SYT1: variants seen among roughly 807,000 people sequenced by gnomAD.
The protein encoded by SYT1 is synaptotagmin-1.
A neutral mutation model predicts 44.8 loss-of-function variants in SYT1; 8 were observed. That is an observed-to-expected ratio of 0.18 (90% CI 0.10 to 0.32). SYT1 has a LOEUF of 0.32. Ranked by LOEUF, SYT1 falls within the 10% of genes least tolerant of loss-of-function variation. The pLI, the probability that SYT1 is intolerant of heterozygous loss-of-function variation, is 1.00. For synonymous variants in SYT1, 154 were observed against 188.8 expected (o/e 0.82, Z 1.51); for missense variants, 286 against 509.3 (o/e 0.56, Z 4.22).
At chr12:79,022,935 C>A (rs113729603) in intron 2 of SYT1, among the ~76,000 whole-genome samples, 83 of 151,776 alleles carry the variant, frequency 5.5e-4, no homozygotes, top group African/African-American at 1.8e-3. Context: ...CTAGAAATAA[C>A]CTTTAGATAA....
At chr12:79,005,437 A>G (rs1457211755) in intron 2 of SYT1, among the ~76,000 whole-genome samples, 1 of 151,930 alleles carries the variant, frequency 6.6e-6, no homozygotes, top group Non-Finnish European at 1.5e-5. Context: ...ATTTTAATTC[A>G]CTCATCTACA....
At chr12:79,122,319 C>A in intron 3 of SYT1, among the ~76,000 whole-genome samples, 1 of 151,116 alleles carries the variant, frequency 6.6e-6, no homozygotes, top group Non-Finnish European at 1.5e-5. Context: ...TCGAGACCAT[C>A]CTGGCTAACA....
At chr12:79,145,788 C>T (rs556457113) in intron 3 of SYT1, among the ~76,000 whole-genome samples, 3 of 150,794 alleles carry the variant, frequency 2.0e-5, no homozygotes, top group South Asian at 2.1e-4. Flanking sequence ...GACGGAGTCT[C>T]GCTCTGTCGC....
chr12:79,389,191 A>T (rs2136089082), intron 9 of SYT1, among the ~76,000 whole-genome samples: 1 of 152,320 alleles, frequency 6.6e-6, no homozygotes, highest in African/African-American at 2.4e-5. Context: ...TGCATCAAGG[A>T]ACATTTTTAA....
At chr12:79,057,266 C>A (rs1354171710) in intron 3 of SYT1, among the ~76,000 whole-genome samples, 1 of 151,858 alleles carries the variant, frequency 6.6e-6, no homozygotes, top group Non-Finnish European at 1.5e-5. Flanking sequence ...ATTGCTTAAT[C>A]CTGTGATTGT....
intron 9 of SYT1, among the ~76,000 whole-genome samples, chr12:79,407,969 A>C (rs1885301633): frequency 6.6e-6 from 1 of 152,070 alleles, no homozygotes; most frequent in South Asian, 2.1e-4. Flanking sequence ...ACTGACCACC[A>C]CCAAAAGATG....
Position 79,082,510 on chromosome 12 carries a change from G to C in SYT1, c.-18+35148G>C, listed in dbSNP as rs148316298. On this transcript the variant is annotated intron_variant, in intron 3 of 10. Transcript: ENST00000261205. ...AGGAAACTGGTACAACAGAGCAGAA[G>C]TCAGACAATAAATGAATAAGAAAAT... Among the ~76,000 whole-genome samples, 5 of 152,272 alleles carry C rather than the reference G, an allele frequency of 3.3e-5. No homozygotes were observed. The East Asian group carries it at 9.7e-4, about 29-fold the overall frequency.
chr12:79,321,738 G>A (rs1881368996), intron 8 of SYT1, among the ~76,000 whole-genome samples: 1 of 152,114 alleles, frequency 6.6e-6, no homozygotes, highest in Admixed American at 6.6e-5. Context: ...ATACATTCAT[G>A]GAAAAACTCA....
At chr12:78,920,683 C>G (rs1211155981) in intron 1 of SYT1, among the ~76,000 whole-genome samples, 1 of 151,916 alleles carries the variant, frequency 6.6e-6, no homozygotes, top group Admixed American at 6.6e-5. Context: ...TAAGTCTCAA[C>G]CGGCAATTCA....
At chr12:79,427,484 A>T (rs1354599334) in intron 9 of SYT1, among the ~76,000 whole-genome samples, 1 of 152,230 alleles carries the variant, frequency 6.6e-6, no homozygotes, top group Admixed American at 6.5e-5. Flanking sequence ...AGTGCTAAAG[A>T]TATGGTGGGA....
intron 3 of SYT1, among the ~76,000 whole-genome samples, chr12:79,100,022 A>G (rs551962610): frequency 6.6e-6 from 1 of 152,282 alleles, no homozygotes; most frequent in Admixed American, 6.6e-5. Context: ...AAATAATTGT[A>G]CATGTTCTTT....
intron 4 of SYT1, among the ~76,000 whole-genome samples, chr12:79,251,360 C>T (rs2047675484): frequency 6.6e-6 from 1 of 151,892 alleles, no homozygotes; most frequent in South Asian, 2.1e-4. Flanking sequence ...ATTAAAACTC[C>T]AAAATCCAAA....
intron 3 of SYT1, among the ~76,000 whole-genome samples, chr12:79,164,938 C>T (rs1184914751): frequency 2.0e-5 from 3 of 151,912 alleles, no homozygotes; most frequent in African/African-American, 7.2e-5. Flanking sequence ...GAGAGGTAAC[C>T]TTTTGGCTAT....
intron 8 of SYT1, among the ~76,000 whole-genome samples, chr12:79,321,655 G>A (rs1333747181): frequency 6.6e-6 from 1 of 152,146 alleles, no homozygotes; most frequent in Non-Finnish European, 1.5e-5. Flanking sequence ...TTAGGCCAGG[G>A]CTGCTGTTCA....
chr12:78,874,072 C>T (rs943445983), intron 1 of SYT1, among the ~76,000 whole-genome samples: 1 of 151,614 alleles, frequency 6.6e-6, no homozygotes, highest in Non-Finnish European at 1.5e-5. Flanking sequence ...TTGTTTCTTA[C>T]AATATGTCAG....
rs547327992 is a variant in SYT1 at position 79,311,111 on chromosome 12, T to G, written c.810+11560T>G. 4.6e-5 allele frequency among the ~76,000 whole-genome samples: 7 copies of G among 152,350 alleles called. No individual in the cohort carries two copies. In the East Asian group the frequency reaches 9.6e-4, roughly 21 times the overall value. On this transcript the variant is annotated intron_variant, in intron 8 of 10. Transcript: ENST00000261205. ...TTGTGCCAGTTTTCAAAGGGAATGCTTCCAGTTTTTGCCCATTCAGTATGA... is the reference window on the plus strand; with the variant it reads ...TTGTGCCAGTTTTCAAAGGGAATGCGTCCAGTTTTTGCCCATTCAGTATGA...
At chr12:78,884,242 G>T (rs1456054501) in intron 1 of SYT1, among the ~76,000 whole-genome samples, 3 of 151,358 alleles carry the variant, frequency 2.0e-5, no homozygotes, top group Non-Finnish European at 4.4e-5. Context: ...ATTTATGTTG[G>T]ATTAGATATT....
At chr12:79,098,208 G>A (rs371033304) in intron 3 of SYT1, among the ~76,000 whole-genome samples, 1 of 151,990 alleles carries the variant, frequency 6.6e-6, no homozygotes, top group East Asian at 1.9e-4. Flanking sequence ...TCAACAACTT[G>A]CCCAAAGTAA....
chr12:79,205,334 A>AT (rs1194841924), intron 3 of SYT1, among the ~76,000 whole-genome samples: 1 of 152,038 alleles, frequency 6.6e-6, no homozygotes, highest in African/African-American at 2.4e-5. Context: ...AAAAACTCAT[A>AT]TCTTTTCTTG....
Sources: allele counts gnomAD v4.1 joint callset (sites outside exome capture counted in the v4.1 genomes callset), GRCh38; gene constraint gnomAD v4.1.1; transcripts MANE v1.5; gene names NCBI Gene and HGNC (gene_info 2026-07-23, HGNC 2026-07-21).